The following SLC26A11 variants were observed in gnomAD, a reference collection of about 807,000 sequenced individuals.
SLC26A11 encodes solute carrier family 26 member 11.
A neutral mutation model predicts 62.2 loss-of-function variants in SLC26A11; 58 were observed. The observed-to-expected ratio is 0.93, with a 90% CI of 0.76 to 1.16. SLC26A11 has a LOEUF of 1.16. Ranked by LOEUF, SLC26A11 falls within the 50% of genes most tolerant of loss-of-function variation. The probability of loss-of-function intolerance (pLI) is 0.00; values close to 1 mark genes in which losing one functional copy is unlikely to be tolerated. For synonymous variants in SLC26A11, 411 were observed against 368.9 expected (o/e 1.11, Z -1.31); for missense variants, 790 against 794.3 (o/e 0.99, Z 0.06).
rs533595297 is a variant in SLC26A11, at chr17:80,223,828, A to G, written c.513+491A>G. Among the ~76,000 whole-genome samples, 16 of 152,310 alleles carry G rather than the reference A, an allele frequency of 1.1e-4. No homozygotes were observed. In the South Asian group the frequency reaches 3.1e-3, roughly 30 times the overall value. On this transcript the variant is annotated intron_variant, in intron 5 of 17. Coordinates refer to ENST00000361193, the MANE Select transcript of SLC26A11 (RefSeq NM_001166347.2). This position sits in a 1 kb window ranked among gnomAD's most constrained non-coding sequence, Gnocchi z 4.6. The stretch of plus-strand genomic sequence containing the variant: ...CATGCCTTTTATATTTTCTTTTAAA[A>G]CATTTATAATAAGTACTAAAATCAG...
intron 9 of SLC26A11, among the ~76,000 whole-genome samples, chr17:80,240,398 A>G (rs1333844287): frequency 6.6e-6 from 1 of 151,368 alleles, no homozygotes; most frequent in Non-Finnish European, 1.5e-5. Flanking sequence ...TCTGTCTTAG[A>G]TCCATGCTCC....
rs765795850 is a variant in SLC26A11, at chr17:80,236,888, C to T, written c.737-40C>T. ...GGCAGCCGCGCTACCCCACACTCGCCGGGAGCAGGGTCTCGGACGCACCTC... is the reference window on the plus strand; with the variant it reads ...GGCAGCCGCGCTACCCCACACTCGCTGGGAGCAGGGTCTCGGACGCACCTC... On this transcript the variant is annotated intron_variant, in intron 7 of 17. Transcript: ENST00000361193. 68 of 1,579,720 alleles carry T rather than the reference C, an allele frequency of 4.3e-5. No homozygotes were observed. In the East Asian group the frequency reaches 6.3e-4, roughly 15 times the overall value.
At chr17:80,249,078 GAGCCTCCTTTGGCCTCTGCAGAGC>G (rs1290385576) in intron 15 of SLC26A11, 52 bp from the exon 16 acceptor site, 8 of 1,523,354 alleles carry the variant, frequency 5.3e-6, no homozygotes, top group Non-Finnish European at 7.0e-6. Flanking sequence ...CCCCTGGCCA[GAGCCTCCTTTGGCCTCTGCAGAGC>G]AGCTTTGGGC....
At chr17:80,225,758 G>T in intron 5 of SLC26A11, 79 bp from the exon 6 acceptor site, 2 of 1,252,864 alleles carry the variant, frequency 1.6e-6, no homozygotes, top group Non-Finnish European at 2.3e-6. Flanking sequence ...CAGCCCTAGG[G>T]GAGGTGGGCG....
chr17:80,242,776 T>A (rs1328284860), intron 10 of SLC26A11, among the ~76,000 whole-genome samples: 1 of 152,220 alleles, frequency 6.6e-6, no homozygotes. Context: ...TGGTACAATC[T>A]CGGCTCACTG....
intron 6 of SLC26A11, among the ~76,000 whole-genome samples, chr17:80,226,740 A>C (rs1219478945): frequency 6.6e-6 from 1 of 152,104 alleles, no homozygotes; most frequent in Non-Finnish European, 1.5e-5. Flanking sequence ...GCCTCTGATG[A>C]GGGGTACCTC....
At chr17:80,235,622 T>C (rs952651166) in intron 7 of SLC26A11, among the ~76,000 whole-genome samples, 2 of 152,256 alleles carry the variant, frequency 1.3e-5, no homozygotes, top group Non-Finnish European at 2.9e-5. Flanking sequence ...TCCCAAAGTG[T>C]TGGGATTACA....
At chr17:80,239,096 TTGAGATA>T in intron 9 of SLC26A11, among the ~76,000 whole-genome samples, 1 of 142,278 alleles carries the variant, frequency 7.0e-6, no homozygotes, top group African/African-American at 2.8e-5. Flanking sequence ...TTTTTTTTTT[TTGAGATA>T]GTGTTTCACT....
chr17:80,224,308 T>A (rs71368062), intron 5 of SLC26A11, among the ~76,000 whole-genome samples: 38,991 of 128,650 alleles, frequency 0.3, 5,388 homozygotes, highest in Admixed American at 0.45. Context: ...CGTGTGTGTG[T>A]GAGAGAGTGT....
intron 13 of SLC26A11, among the ~76,000 whole-genome samples, chr17:80,247,099 T>G: frequency 6.6e-6 from 1 of 151,736 alleles, no homozygotes; most frequent in Non-Finnish European, 1.5e-5. Flanking sequence ...TTATTGATCA[T>G]TCTTGGGTGT....
rs768366152 is a variant in SLC26A11, at chr17:80,221,594, A to G, written c.34A>G (p.Arg12Gly). 1.9e-6 allele frequency: 3 copies of G among 1,605,422 alleles called. No homozygotes were observed. Among genetic ancestry groups the G allele is most frequent in the Non-Finnish European group, 2.5e-6 (3 of 1,179,282 alleles). Residue 12 changes from arginine to glycine, a missense_variant, in exon 3 of 18, where the codon AGG becomes GGG. Transcript: ENST00000361193. ...PSSVTALGQA[R>G]SSGPGMAPSA... ...TTCGGTGACGGCGCTGGGTCAGGCC[A>G]GGTCCTCTGGCCCCGGGATGGCCCC...
In SLC26A11 at chr17:80,227,858, C is replaced by CTGCTGG. The variant is rs2042453451; in HGVS notation, c.640_645dup (p.Val214_Leu215dup). On this transcript the variant is annotated inframe_insertion, in exon 7 of 18. Transcript: ENST00000361193. ...CCTGGGGCTGGTCTGCATGCTGCTG[C>CTGCTGG]TGCTGGTGCTGAAGCTGATGCGGGA... The CTGCTGG allele has an allele frequency of 2.5e-6, 4 of 1,603,104 alleles. No homozygotes were observed. The highest frequency in any genetic ancestry group is 3.4e-6 in the Non-Finnish European group (4 of 1,179,858).
chr17:80,223,218 G>A lies in SLC26A11; in HGVS notation c.428-34G>A, dbSNP rs372688197. On this transcript the variant is annotated intron_variant, in intron 4 of 17. Coordinates refer to ENST00000361193, the MANE Select transcript of SLC26A11 (RefSeq NM_001166347.2). This position sits in a 1 kb window ranked among gnomAD's most constrained non-coding sequence, Gnocchi z 4.6. ...TCATCCTCTGGGACTGGGTGGAGCC[G>A]GGACCAGCTCGATGTCCCCTCTTGG... The A allele has an allele frequency of 3.2e-5, 51 of 1,597,158 alleles. No individual in the cohort carries two copies. The highest frequency in any genetic ancestry group is 4.1e-5 in the Non-Finnish European group (48 of 1,165,230).
chr17:80,226,734 C>T (rs1284291254), intron 6 of SLC26A11, among the ~76,000 whole-genome samples: 7 of 152,198 alleles, frequency 4.6e-5, no homozygotes, highest in Admixed American at 4.6e-4. Context: ...AGAAAAGCCT[C>T]TGATGAGGGG....
Position 80,241,760 on chromosome 17 carries a change from G to T in SLC26A11, c.986-11G>T, listed in dbSNP as rs2042868318. 1.2e-6 allele frequency: 2 copies of T among 1,613,974 alleles called. No individual in the cohort carries two copies. Among genetic ancestry groups the T allele is most frequent in the Non-Finnish European group, 8.5e-7 (1 of 1,179,986 alleles). Reference sequence around the variant, plus strand: ...ATTACTGACCAGGTCTTTACCGTTGGTTCCCTTTAGCATCTCAGAATAATT... The same window carrying T: ...ATTACTGACCAGGTCTTTACCGTTGTTTCCCTTTAGCATCTCAGAATAATT... On this transcript the variant is annotated splice_polypyrimidine_tract_variant and intron_variant, in intron 9 of 17. Coordinates refer to ENST00000361193, the MANE Select transcript of SLC26A11 (RefSeq NM_001166347.2).
Position 80,222,613 on chromosome 17 carries a change from G to T in SLC26A11, c.235-42G>T. 1 of 1,587,126 alleles carries T rather than the reference G, an allele frequency of 6.3e-7. No homozygotes were observed. Reference sequence around the variant, plus strand: ...ACGCACACTAGGGAGCTGGTGGATGGGCCTCGGCCTCCTGAGTGCTCACCA... The same window carrying T: ...ACGCACACTAGGGAGCTGGTGGATGTGCCTCGGCCTCCTGAGTGCTCACCA... On this transcript the variant is annotated intron_variant, in intron 3 of 17. Coordinates refer to ENST00000361193, the MANE Select transcript of SLC26A11 (RefSeq NM_001166347.2). This position sits in a 1 kb window ranked among gnomAD's most constrained non-coding sequence, Gnocchi z 4.7.
intron 5 of SLC26A11, among the ~76,000 whole-genome samples, chr17:80,224,512 G>C (rs1028481762): frequency 1.3e-5 from 2 of 152,130 alleles, no homozygotes; most frequent in African/African-American, 4.8e-5. Context: ...CTCTTGCTAC[G>C]TGCGAGGCAC....
chr17:80,246,001 A>C lies in SLC26A11; in HGVS notation c.1098-153A>C, dbSNP rs2042983341. The stretch of plus-strand genomic sequence containing the variant: ...CGCGGCTGTCTGTGACTGCACCCTA[A>C]GTCTCTTTGCCTCGGTCCCCTTGCA... On this transcript the variant is annotated intron_variant, in intron 11 of 17. Coordinates refer to ENST00000361193, the MANE Select transcript of SLC26A11 (RefSeq NM_001166347.2). This position sits in a 1 kb window ranked among gnomAD's most constrained non-coding sequence, Gnocchi z 4.4. Among the ~76,000 whole-genome samples the C allele has an allele frequency of 6.6e-6, 1 of 152,184 alleles. No individual in the cohort carries two copies. The highest frequency in any genetic ancestry group is 1.5e-5 in the Non-Finnish European group (1 of 68,016).
chr17:80,229,439 G>GTT (rs111878466), intron 7 of SLC26A11, among the ~76,000 whole-genome samples: 11 of 151,336 alleles, frequency 7.3e-5, no homozygotes, highest in Admixed American at 4.0e-4. Context: ...TTTGTTTTTT[G>GTT]GTTTTTTTTG....
Sources: gnomAD v4.1 joint callset for allele counts (sites outside exome capture counted in the v4.1 genomes callset) on GRCh38, gnomAD v4.1.1 for gene constraint, Gnocchi (gnomAD v3.1) non-coding constraint, MANE v1.5 for transcripts, NCBI Gene and HGNC (gene_info 2026-07-23, HGNC 2026-07-21) for gene names.